Variants in PSME4 observed in about 807,000 individuals in gnomAD.
PSME4 encodes proteasome activator subunit 4.
PSME4 carries 89 observed loss-of-function variants against 253.9 expected under a neutral mutation model. The ratio of observed to expected loss-of-function variants is 0.35; its 90% CI spans 0.30 to 0.42. The LOEUF (loss-of-function observed/expected upper bound fraction) is 0.42. Ranked by LOEUF, PSME4 falls within the 10% of genes least tolerant of loss-of-function variation. PSME4 has a pLI of 1.00. For missense variants in PSME4, 2,014 were observed against 2,195.2 expected (o/e 0.92, Z 1.65); for synonymous variants, 851 against 759.2 (o/e 1.12, Z -1.99).
Position 53,906,806 on chromosome 2 carries a change from C to T in PSME4, c.2847G>A (p.Glu949=). The T allele has an allele frequency of 6.2e-7, 1 of 1,613,112 alleles. No individual in the cohort carries two copies. ...CACTATGACTGAAAAACATATTTAC[C>T]TCATGCTGTAACATTACTCTATCAA... ...LLIDRVMLQH[E]LRTLTVEGCE... Residue 949 remains glutamate (E), a splice_region_variant and synonymous_variant, in exon 25 of 47, where the codon GAG becomes GAA. Transcript: ENST00000404125.
At chr2:53,911,353 C>A (rs769293125) in intron 20 of PSME4, among the ~76,000 whole-genome samples, 96 of 152,074 alleles carry the variant, frequency 6.3e-4, no homozygotes, top group Non-Finnish European at 8.1e-4. Flanking sequence ...ACTTTCAAGA[C>A]CAAATTCCTC....
Position 53,928,261 on chromosome 2 carries a change from G to A in PSME4, c.1359C>T (p.Leu453=), listed in dbSNP as rs1450103030. The A allele has an allele frequency of 6.2e-7, 1 of 1,614,144 alleles. No homozygotes were observed. Among genetic ancestry groups the A allele is most frequent in the East Asian group, 2.2e-5 (1 of 44,884 alleles). Residue 453 remains leucine (L), a synonymous_variant, in exon 11 of 47, where the codon CTC becomes CTT. Coordinates refer to ENST00000404125, the MANE Select transcript of PSME4 (RefSeq NM_014614.3). Reference sequence around the variant, plus strand: ...CAATTACACAACTTAAAGTAGCTGTGAGCTGGTGAGGTTCTGTTAATGTCT... The same window carrying A: ...CAATTACACAACTTAAAGTAGCTGTAAGCTGGTGAGGTTCTGTTAATGTCT... ...ALETLTEPHQ[L]TATLSCVIGV... is the part of the protein sequence containing the mutation.
intron 37 of PSME4, 116 bp downstream of exon 37, chr2:53,889,987 TA>T: frequency 1.2e-6 from 1 of 822,410 alleles, no homozygotes; most frequent in South Asian, 1.6e-5. Context: ...TAAAAACAAT[TA>T]AAAAACAAAA....
At chr2:53,911,801 A>T (rs58301342) in intron 20 of PSME4, among the ~76,000 whole-genome samples, 2,204 of 152,262 alleles carry the variant, frequency 0.014, 53 homozygotes, top group African/African-American at 0.05. Context: ...TATACAAATT[A>T]AAAAAAGCAT....
At chr2:53,894,824 T>C (rs1315236006) in intron 34 of PSME4, among the ~76,000 whole-genome samples, 183 bp downstream of exon 34, 2 of 152,138 alleles carry the variant, frequency 1.3e-5, no homozygotes, top group South Asian at 2.1e-4. Flanking sequence ...CTATGTCAAC[T>C]GGCACTAGTA....
intron 46 of PSME4, 144 bp from the exon 47 acceptor site, chr2:53,865,717 T>C: frequency 5.8e-6 from 1 of 173,026 alleles, no homozygotes; most frequent in Non-Finnish European, 1.2e-5. Context: ...AGAATCCAGA[T>C]CAAGTTCTCA....
At chr2:53,956,245 T>G (rs1255969891) in intron 1 of PSME4, among the ~76,000 whole-genome samples, 1 of 152,080 alleles carries the variant, frequency 6.6e-6, no homozygotes, top group Non-Finnish European at 1.5e-5. Context: ...TAAAAGTAAA[T>G]AGGCTGGGCC....
intron 1 of PSME4, among the ~76,000 whole-genome samples, chr2:53,967,596 C>T (rs1670798477): frequency 7.8e-6 from 1 of 127,742 alleles, no homozygotes; most frequent in South Asian, 2.7e-4. Context: ...TGCAGTGAGC[C>T]ACGATAGTGC....
chr2:53,934,590 T>C lies in PSME4; in HGVS notation c.957+15A>G, dbSNP rs747413754. 1.9e-6 allele frequency: 3 copies of C among 1,596,686 alleles called. No homozygotes were observed. The East Asian group carries it at 6.7e-5, about 36-fold the overall frequency. ...AGGCGTAAACTACAGAAAACAAATA[T>C]AATGTATTACAAACCATCATGGCGG... On this transcript the variant is annotated intron_variant, in intron 8 of 46. Transcript: ENST00000404125.
Position 53,908,984 on chromosome 2 carries a change from T to A in PSME4, c.2573-144A>T, listed in dbSNP as rs1392824859. ...CCTTTACCATAGTTGAATTAATGGC[T>A]AGGCATGCTACAGCAACTTCTAAAA... On this transcript the variant is annotated intron_variant, in intron 21 of 46. Coordinates refer to ENST00000404125, the MANE Select transcript of PSME4 (RefSeq NM_014614.3). 18 of 560,512 alleles carry A rather than the reference T, an allele frequency of 3.2e-5. No individual in the cohort carries two copies. In the East Asian group the frequency reaches 5.1e-4, roughly 16 times the overall value. The allele number at this position is 560,512 out of a possible 1,614,324, so 34.7% of individuals were successfully genotyped here. A position where few individuals can be genotyped will look rare whatever the true frequency, so the allele number is the denominator to read the frequency against.
intron 26 of PSME4, 143 bp from the exon 27 acceptor site, chr2:53,904,299 G>A (rs1680546634): frequency 9.7e-6 from 8 of 821,826 alleles, no homozygotes; most frequent in Non-Finnish European, 1.5e-5. Context: ...CCCTAAAAAA[G>A]AAGTAAATGA....
chr2:53,970,592 G>A lies in PSME4; in HGVS notation c.193C>T (p.Leu65Phe), dbSNP rs1323713627. The A allele has an allele frequency of 1.3e-6, 2 of 1,549,048 alleles. No homozygotes were observed. The highest frequency in any genetic ancestry group is 2.4e-5 in the East Asian group (1 of 40,884). The change falls in exon 1 of 47, where the codon CTC (leucine) becomes TTC (phenylalanine). Residue 65 changes from leucine (L) to phenylalanine (F), a missense_variant. By Grantham distance (22) the Leu-to-Phe change is conservative. Transcript: ENST00000404125. ...AGGCCCCCGGGCCACAGCTCTTGGA[G>A]CTGCACGGCCCGGCCCAGGTTGCAT... ...IKCNLGRAVQLQELWPGGLFW... is the reference protein window; with the variant it reads ...IKCNLGRAVQFQELWPGGLFW...
At chr2:53,914,609 G>A (rs149586340) in intron 20 of PSME4, among the ~76,000 whole-genome samples, 1,827 of 152,256 alleles carry the variant, frequency 0.012, 14 homozygotes, top group Non-Finnish European at 0.018. Context: ...GTGGCCAGGC[G>A]CAGTGGCTCA....
At chr2:53,952,068 C>T (rs1394993628) in intron 1 of PSME4, among the ~76,000 whole-genome samples, 2 of 148,710 alleles carry the variant, frequency 1.3e-5, no homozygotes, top group Non-Finnish European at 2.9e-5. Flanking sequence ...AACTGGAACA[C>T]ATTTTTAAGA....
At position 53,939,944 on chromosome 2, in the gene PSME4, G is replaced by A; in HGVS notation, c.545+12C>T. ...AACAACAAGAGGCTTTATAAATTGAGAAGCTACTTACGGTCGGCAGCTTTT... is the reference window on the plus strand; with the variant it reads ...AACAACAAGAGGCTTTATAAATTGAAAAGCTACTTACGGTCGGCAGCTTTT... On this transcript the variant is annotated intron_variant, in intron 4 of 46. Coordinates refer to ENST00000404125, the MANE Select transcript of PSME4 (RefSeq NM_014614.3). 1 of 1,582,010 alleles carries A rather than the reference G, an allele frequency of 6.3e-7. No individual in the cohort carries two copies. Among genetic ancestry groups the A allele is most frequent in the Non-Finnish European group, 8.7e-7 (1 of 1,153,612 alleles).
chr2:53,864,981 C>CCA lies in PSME4; in HGVS notation c.*595_*596dup, dbSNP rs1464387272. On this transcript the variant is annotated 3_prime_UTR_variant, in exon 47 of 47. Transcript: ENST00000404125. Reference sequence around the variant, plus strand: ...CTGGCTCTATTCAGCACCAAAAACTCCAGTCTGTGGGAAGTGCACAGACAC... The same window carrying CCA: ...CTGGCTCTATTCAGCACCAAAAACTCCACAGTCTGTGGGAAGTGCACAGACAC... 6.6e-6 allele frequency: 1 copy of CCA among 152,624 alleles called. No individual in the cohort carries two copies. Among genetic ancestry groups the CCA allele is most frequent in the Non-Finnish European group, 1.5e-5 (1 of 68,046 alleles). 9.5% of individuals were successfully genotyped at this position (152,624 alleles called of 1,614,324 possible).
intron 4 of PSME4, among the ~76,000 whole-genome samples, chr2:53,938,124 TAAACAGAG>T (rs1322483211): frequency 6.6e-6 from 1 of 152,110 alleles, no homozygotes; most frequent in Non-Finnish European, 1.5e-5. Flanking sequence ...CCTATAAAAT[TAAACAGAG>T]TTTTTGTCTT....
intron 7 of PSME4, among the ~76,000 whole-genome samples, chr2:53,935,392 A>T (rs960598819): frequency 2.6e-5 from 4 of 152,012 alleles, no homozygotes; most frequent in Non-Finnish European, 5.9e-5. Context: ...GCATCCAGCT[A>T]CTCCCCAGCT....
intron 21 of PSME4, among the ~76,000 whole-genome samples, chr2:53,909,351 A>G (rs990963465): frequency 3.3e-5 from 5 of 152,226 alleles, no homozygotes; most frequent in Non-Finnish European, 5.9e-5. Flanking sequence ...AATGTTTTAC[A>G]TAAATGTTAT....
Sources: gnomAD v4.1 joint callset for allele counts (sites outside exome capture counted in the v4.1 genomes callset) on GRCh38, gnomAD v4.1.1 for gene constraint, MANE v1.5 for transcripts, NCBI Gene and HGNC (gene_info 2026-07-23, HGNC 2026-07-21) for gene names.